KDM4C: variants seen among roughly 807,000 people sequenced by gnomAD.
The protein encoded by KDM4C is lysine demethylase 4C.
A neutral mutation model predicts 129.3 loss-of-function variants in KDM4C; 81 were observed. The ratio of observed to expected loss-of-function variants is 0.63; its 90% CI spans 0.52 to 0.75. The LOEUF (loss-of-function observed/expected upper bound fraction) is 0.75, where lower values mean the gene tolerates loss of function less well. Among genes scored for constraint, KDM4C ranks in the 30% least tolerant of loss-of-function variants. The pLI, the probability that KDM4C is intolerant of heterozygous loss-of-function variation, is 0.00. For synonymous variants in KDM4C, 573 were observed against 456.1 expected (o/e 1.26, Z -3.26); for missense variants, 1,457 against 1,304.0 (o/e 1.12, Z -1.81).
upstream of KDM4C, chr9:6,757,889 C>G: frequency 4.1e-6 from 4 of 985,504 alleles, no homozygotes; most frequent in Non-Finnish European, 4.8e-6. Flanking sequence ...GTGCCGGGCA[C>G]CTTTAAGCTG....
At chr9:7,031,792 T>G (rs561324094) in intron 15 of KDM4C, among the ~76,000 whole-genome samples, 1 of 152,310 alleles carries the variant, frequency 6.6e-6, no homozygotes, top group African/African-American at 2.4e-5. Context: ...CGTGGCCATT[T>G]TATTTGTCTT....
At chr9:6,941,421 T>G (rs965871978) in intron 8 of KDM4C, among the ~76,000 whole-genome samples, 3 of 152,236 alleles carry the variant, frequency 2.0e-5, no homozygotes, top group Admixed American at 1.3e-4. Context: ...ATATTAGACT[T>G]TATCAGAGAG....
At chr9:7,007,194 T>C (rs1287601690) in intron 12 of KDM4C, among the ~76,000 whole-genome samples, 1 of 152,242 alleles carries the variant, frequency 6.6e-6, no homozygotes, top group African/African-American at 2.4e-5. Flanking sequence ...CCTGGTATAC[T>C]GGGCTTCTGT....
At chr9:7,076,556 T>G in intron 17 of KDM4C, 1 of 1,525,850 alleles carries the variant, frequency 6.6e-7, no homozygotes, top group East Asian at 2.5e-5. Context: ...CAGATGCTGT[T>G]TCTCATTCTC....
intron 19 of KDM4C, among the ~76,000 whole-genome samples, chr9:7,162,611 C>T (rs868583730): frequency 6.6e-6 from 1 of 152,162 alleles, no homozygotes; most frequent in East Asian, 1.9e-4. Flanking sequence ...TCCACGTTTC[C>T]ATGTCCCTCA....
At chr9:6,847,577 A>C (rs966120093) in intron 4 of KDM4C, among the ~76,000 whole-genome samples, 1 of 152,110 alleles carries the variant, frequency 6.6e-6, no homozygotes, top group Non-Finnish European at 1.5e-5. Flanking sequence ...TTTTTAGTAG[A>C]GACAGGGTTT....
chr9:6,847,457 G>T (rs1028933845), intron 4 of KDM4C, among the ~76,000 whole-genome samples: 1 of 151,726 alleles, frequency 6.6e-6, no homozygotes, highest in Non-Finnish European at 1.5e-5. Context: ...GGAGTGCAGT[G>T]GCACGATCTC....
intron 19 of KDM4C, among the ~76,000 whole-genome samples, chr9:7,163,509 A>G (rs914554527): frequency 1.3e-5 from 2 of 152,134 alleles, no homozygotes; most frequent in African/African-American, 4.8e-5. Context: ...ATCCCTCCAC[A>G]TGGGAGACAT....
chr9:7,099,761 C>T lies in KDM4C; in HGVS notation c.2425-3924C>T, dbSNP rs1355594594. 3.3e-5 allele frequency among the ~76,000 whole-genome samples: 5 copies of T among 152,182 alleles called. No individual in the cohort carries two copies. In the East Asian group the frequency reaches 9.6e-4, roughly 29 times the overall value. On this transcript the variant is annotated intron_variant, in intron 17 of 21. Transcript: ENST00000381309. ...ACTTCTGTTCTTGTCATCAGCCTTG[C>T]CAGAACTGTCCTGTCAGAGATACCC...
chr9:6,977,658 G>A (rs13296163), intron 8 of KDM4C, among the ~76,000 whole-genome samples: 2,447 of 152,146 alleles, frequency 0.016, 28 homozygotes, highest in Non-Finnish European at 0.027. Context: ...TTTCATTAAT[G>A]CCTGTCATCT....
intron 4 of KDM4C, chr9:6,835,552 A>G (rs925692355): frequency 1.7e-5 from 21 of 1,260,140 alleles, no homozygotes; most frequent in Non-Finnish European, 2.2e-5. Flanking sequence ...GTCCGGCTCC[A>G]TCATCCATCC....
intron 17 of KDM4C, among the ~76,000 whole-genome samples, chr9:7,052,894 A>AGAGAGAGAGAGAGAGAGAGCGAGC (rs1339242817): frequency 1.9e-5 from 2 of 105,468 alleles, no homozygotes; most frequent in African/African-American, 3.5e-5. Flanking sequence ...AGAGAGAGAG[A>AGAGAGAGAGAGAGAGAGAGCGAGC]GAGAGAGCGA....
intron 8 of KDM4C, among the ~76,000 whole-genome samples, chr9:6,951,990 T>C (rs1030341861): frequency 2.6e-5 from 4 of 152,204 alleles, no homozygotes; most frequent in Non-Finnish European, 5.9e-5. Flanking sequence ...AAATTGACCC[T>C]GCTGTTACTT....
At chr9:6,865,888 C>A (rs1378491327) in intron 5 of KDM4C, among the ~76,000 whole-genome samples, 1 of 152,072 alleles carries the variant, frequency 6.6e-6, no homozygotes, top group African/African-American at 2.4e-5. Flanking sequence ...GTAGCTGGGA[C>A]TACAGGCGCC....
chr9:7,052,645 C>T (rs1366097830), intron 17 of KDM4C, among the ~76,000 whole-genome samples: 1 of 152,182 alleles, frequency 6.6e-6, no homozygotes, highest in East Asian at 1.9e-4. Flanking sequence ...ATGAAACATG[C>T]ATGCAGTACT....
At chr9:6,761,988 CG>C (rs1024420881) in intron 1 of KDM4C, among the ~76,000 whole-genome samples, 1 of 151,740 alleles carries the variant, frequency 6.6e-6, no homozygotes, top group Non-Finnish European at 1.5e-5. Context: ...TTAGTAGAGA[CG>C]GGGTTTCACC....
At chr9:7,170,084 G>T in intron 21 of KDM4C, 194 bp downstream of exon 21, 1 of 1,484,004 alleles carries the variant, frequency 6.7e-7, no homozygotes, top group Non-Finnish European at 9.0e-7. Context: ...ATTAATGCAT[G>T]TGCTTTACTT....
chr9:6,879,019 G>A (rs767733278), intron 5 of KDM4C, among the ~76,000 whole-genome samples: 2 of 152,174 alleles, frequency 1.3e-5, no homozygotes, highest in Admixed American at 6.5e-5. Context: ...TTAGTGAATT[G>A]CATAGTTATA....
At chr9:7,160,713 A>T (rs1474471009) in intron 19 of KDM4C, among the ~76,000 whole-genome samples, 2 of 152,140 alleles carry the variant, frequency 1.3e-5, no homozygotes, top group Non-Finnish European at 2.9e-5. Flanking sequence ...TTCGTCCCAG[A>T]AGGGGAGCCA....
Sources: allele counts gnomAD v4.1 joint callset (sites outside exome capture counted in the v4.1 genomes callset), GRCh38; gene constraint gnomAD v4.1.1; transcripts MANE v1.5; gene names NCBI Gene and HGNC (gene_info 2026-07-23, HGNC 2026-07-21).